RPSA2: variants seen among roughly 807,000 people sequenced by gnomAD.
RPSA2 encodes the protein ribosomal protein SA 2, also known as small ribosomal subunit protein uS2B.
the RPSA2 span, among the ~76,000 whole-genome samples, chr19:23,826,532 C>T: frequency 2.0e-5 from 3 of 152,060 alleles, no homozygotes; most frequent in Admixed American, 6.5e-5. Flanking sequence ...AAACACCACT[C>T]TGTTTTTTGT....
chr19:23,826,739 G>A, the RPSA2 span, among the ~76,000 whole-genome samples: 2 of 152,082 alleles, frequency 1.3e-5, no homozygotes, highest in South Asian at 4.1e-4. Context: ...AGGCTGGAGT[G>A]CAGTGGGGCG....
the RPSA2 span, among the ~76,000 whole-genome samples, chr19:23,793,418 A>T: frequency 7.0e-6 from 1 of 142,634 alleles, no homozygotes. Context: ...ATTTTATTGT[A>T]TTGTATTTGT....
chr19:23,857,780 C>T, the RPSA2 span, among the ~76,000 whole-genome samples: 7 of 152,218 alleles, frequency 4.6e-5, no homozygotes, highest in African/African-American at 7.2e-5. Flanking sequence ...CAGGAGTGAG[C>T]CACTGCACCT....
At chr19:23,778,995 C>CGTT in the RPSA2 span, among the ~76,000 whole-genome samples, 17 of 80,694 alleles carry the variant, frequency 2.1e-4, no homozygotes, top group African/African-American at 8.3e-4. Flanking sequence ...TTTTGTGACA[C>CGTT]TTTTTTTTTT....
the RPSA2 span, among the ~76,000 whole-genome samples, chr19:23,761,522 G>A: frequency 6.6e-6 from 1 of 152,016 alleles, no homozygotes; most frequent in African/African-American, 2.4e-5. Flanking sequence ...AAATTCTAAG[G>A]TTGTGTCCTC....
chr19:23,800,566 A>G, the RPSA2 span, among the ~76,000 whole-genome samples: 3 of 152,126 alleles, frequency 2.0e-5, no homozygotes, highest in South Asian at 6.2e-4. Flanking sequence ...TTTGGTATCT[A>G]TAGTCCTCCA....
chr19:23,789,014 TC>T, the RPSA2 span, among the ~76,000 whole-genome samples: 2 of 45,020 alleles, frequency 4.4e-5, no homozygotes, highest in East Asian at 6.3e-4. Flanking sequence ...TTCTTTTTTT[TC>T]TTTCTTTCTT....
chr19:23,775,723 T>C, the RPSA2 span, among the ~76,000 whole-genome samples: 1 of 152,204 alleles, frequency 6.6e-6, no homozygotes, highest in Non-Finnish European at 1.5e-5. Flanking sequence ...CAGACCAAGA[T>C]TGAACACACC....
the RPSA2 span, among the ~76,000 whole-genome samples, chr19:23,789,019 C>CTTTTTTTTTTTTTTTTTTT: frequency 8.0e-5 from 9 of 112,602 alleles, 1 homozygote; most frequent in African/African-American, 9.9e-5. Context: ...TTTTTTCTTT[C>CTTTTTTTTTTTTTTTTTTT]TTTCTTTTTT....
At chr19:23,801,099 T>C in the RPSA2 span, among the ~76,000 whole-genome samples, 1 of 152,336 alleles carries the variant, frequency 6.6e-6, no homozygotes, top group Non-Finnish European at 1.5e-5. Flanking sequence ...CTTGCTAAAA[T>C]GCTCACAATT....
At chr19:23,793,800 G>C in the RPSA2 span, among the ~76,000 whole-genome samples, 9 of 152,070 alleles carry the variant, frequency 5.9e-5, no homozygotes, top group African/African-American at 2.2e-4. Flanking sequence ...TCCTGACGTG[G>C]TGATCTGCCT....
At chr19:23,837,585 A>G in the RPSA2 span, among the ~76,000 whole-genome samples, 6 of 152,178 alleles carry the variant, frequency 3.9e-5, no homozygotes, top group African/African-American at 7.2e-5. Context: ...GATTCTACCC[A>G]TCCATGAGCA....
chr19:23,777,884 T>G, the RPSA2 span, among the ~76,000 whole-genome samples: 1 of 152,210 alleles, frequency 6.6e-6, no homozygotes, highest in African/African-American at 2.4e-5. Context: ...AGTGATATTG[T>G]GACATGTCTT....
chr19:23,822,558 T>G, the RPSA2 span, among the ~76,000 whole-genome samples: 1 of 152,186 alleles, frequency 6.6e-6, no homozygotes, highest in East Asian at 1.9e-4. Flanking sequence ...AATAAAAGTC[T>G]GTTGCCCCCC....
the RPSA2 span, among the ~76,000 whole-genome samples, chr19:23,813,838 T>G: frequency 4.6e-5 from 7 of 150,926 alleles, no homozygotes; most frequent in Non-Finnish European, 1.0e-4. Context: ...TTCTCCTGCC[T>G]CAGCCTCCTG....
the RPSA2 span, among the ~76,000 whole-genome samples, chr19:23,835,188 T>C: frequency 7.1e-6 from 1 of 141,588 alleles, no homozygotes; most frequent in Non-Finnish European, 1.5e-5. Context: ...TTCTGAGTCC[T>C]TAATAAATAT....
chr19:23,825,082 C>T, the RPSA2 span, among the ~76,000 whole-genome samples: 3 of 151,964 alleles, frequency 2.0e-5, no homozygotes, highest in African/African-American at 7.2e-5. Flanking sequence ...TGGGTTCATG[C>T]CATTCTCTTG....
the RPSA2 span, among the ~76,000 whole-genome samples, chr19:23,869,677 G>A: frequency 6.6e-6 from 1 of 152,152 alleles, no homozygotes; most frequent in African/African-American, 2.4e-5. Flanking sequence ...CACCTGGATT[G>A]CTTGGCATGG....
chr19:23,846,215 A>G, the RPSA2 span, among the ~76,000 whole-genome samples: 6 of 152,292 alleles, frequency 3.9e-5, no homozygotes, highest in Non-Finnish European at 8.8e-5. Flanking sequence ...CTTACAAGTA[A>G]GGTGAGATTC....
Sources: gnomAD v4.1 joint callset for allele counts (sites outside exome capture counted in the v4.1 genomes callset) on GRCh38, gnomAD v4.1.1 for gene constraint, MANE v1.5 for transcripts, NCBI Gene and HGNC (gene_info 2026-07-23, HGNC 2026-07-21) for gene names.